Variants in CSMD3 observed in about 807,000 individuals in gnomAD.
The protein encoded by CSMD3 is CUB and Sushi multiple domains 3, also known as CUB and sushi domain-containing protein 3.
Under a neutral mutation model 435.2 loss-of-function variants are expected in CSMD3, and 177 were observed. That is an observed-to-expected ratio of 0.41 (90% confidence interval 0.36 to 0.46). CSMD3 has a LOEUF of 0.46. Ranked by LOEUF, CSMD3 falls within the 20% of genes least tolerant of loss-of-function variation. CSMD3 has a pLI of 0.34. For missense variants in CSMD3, 4,265 were observed against 4,504.6 expected, an observed-to-expected ratio of 0.95 and a Z score of 1.52; for synonymous variants, 1,656 against 1,520.5, an observed-to-expected ratio of 1.09 and a Z score of -2.07.
intron 3 of CSMD3, among the ~76,000 whole-genome samples, chr8:113,179,855 T>TA (rs1401425320): frequency 4.0e-5 from 6 of 151,814 alleles, no homozygotes; most frequent in African/African-American, 1.4e-4. Context: ...ATAAACATGT[T>TA]ACAACAGTCT....
intron 7 of CSMD3, among the ~76,000 whole-genome samples, chr8:112,961,669 A>C (rs933597760): frequency 6.6e-6 from 1 of 151,980 alleles, no homozygotes; most frequent in Non-Finnish European, 1.5e-5. Context: ...TTTCATAGGC[A>C]TTAAGGATTG....
At chr8:113,281,809 G>A (rs1014922263) in intron 2 of CSMD3, among the ~76,000 whole-genome samples, 21 of 151,896 alleles carry the variant, frequency 1.4e-4, no homozygotes, top group Admixed American at 3.3e-4. Flanking sequence ...TGTTTGATGT[G>A]TTTCCAGGAT....
intron 11 of CSMD3, among the ~76,000 whole-genome samples, chr8:112,836,045 A>G (rs901629839): frequency 6.6e-6 from 1 of 151,762 alleles, no homozygotes; most frequent in Non-Finnish European, 1.5e-5. Context: ...TGGATTTGGG[A>G]TAGCCTATGT....
chr8:112,289,318 C>A (rs1330479707), intron 57 of CSMD3, 47 bp downstream of exon 57: 1 of 1,481,470 alleles, frequency 6.8e-7, no homozygotes. Context: ...CTACTACTAA[C>A]AATAATGTAA....
chr8:113,361,532 A>G (rs967266735), intron 1 of CSMD3, among the ~76,000 whole-genome samples: 7 of 152,208 alleles, frequency 4.6e-5, no homozygotes, highest in Non-Finnish European at 1.0e-4. Flanking sequence ...TATAAAACTC[A>G]CTTCATTGAA....
intron 13 of CSMD3, among the ~76,000 whole-genome samples, chr8:112,796,557 G>T (rs2078833049): frequency 6.6e-6 from 1 of 152,002 alleles, no homozygotes; most frequent in Non-Finnish European, 1.5e-5. Context: ...CTAAGACAAA[G>T]TTGAAAATAT....
At chr8:112,406,397 CA>C (rs1831863909) in intron 35 of CSMD3, 126 bp downstream of exon 35, 1 of 533,316 alleles carries the variant, frequency 1.9e-6, no homozygotes, top group Non-Finnish European at 3.2e-6. Context: ...TTATATAAAG[CA>C]TACTTATTAA....
chr8:112,894,543 A>G (rs2081895116), intron 10 of CSMD3, among the ~76,000 whole-genome samples: 1 of 151,454 alleles, frequency 6.6e-6, no homozygotes, highest in Admixed American at 6.6e-5. Context: ...TCATCTCAAT[A>G]GAAAATGAAA....
chr8:113,265,357 A>G (rs906639219), intron 3 of CSMD3, among the ~76,000 whole-genome samples: 1 of 151,668 alleles, frequency 6.6e-6, no homozygotes, highest in Non-Finnish European at 1.5e-5. Flanking sequence ...TATATGTATT[A>G]ACAAAAGTTT....
intron 45 of CSMD3, among the ~76,000 whole-genome samples, chr8:112,325,743 T>C (rs1295969728): frequency 7.2e-5 from 11 of 152,064 alleles, no homozygotes; most frequent in African/African-American, 2.4e-4. Flanking sequence ...AAGGACATAG[T>C]CTAGACTCTT....
intron 60 of CSMD3, among the ~76,000 whole-genome samples, chr8:112,264,431 G>A (rs1164349110): frequency 6.6e-6 from 1 of 152,088 alleles, no homozygotes; most frequent in Non-Finnish European, 1.5e-5. Context: ...AGATAGAGAT[G>A]AAAGGATGAG....
At chr8:112,990,272 G>A (rs1024277994) in intron 6 of CSMD3, among the ~76,000 whole-genome samples, 11 of 151,954 alleles carry the variant, frequency 7.2e-5, no homozygotes, top group South Asian at 2.1e-4. Context: ...ACTGTGTTAC[G>A]CCATATTGGA....
intron 13 of CSMD3, among the ~76,000 whole-genome samples, chr8:112,715,193 A>T (rs1737638757): frequency 6.6e-6 from 1 of 152,176 alleles, no homozygotes; most frequent in African/African-American, 2.4e-5. Context: ...AATGAAGGAG[A>T]AAAGAGATAA....
At chr8:112,509,438 C>A (rs1277372309) in intron 28 of CSMD3, among the ~76,000 whole-genome samples, 2 of 152,128 alleles carry the variant, frequency 1.3e-5, no homozygotes, top group South Asian at 2.1e-4. Context: ...TCTTCTCAAC[C>A]ATTGCCCCAA....
chr8:113,016,455 A>C (rs1171125602), intron 6 of CSMD3, among the ~76,000 whole-genome samples: 1 of 151,872 alleles, frequency 6.6e-6, no homozygotes, highest in Non-Finnish European at 1.5e-5. Flanking sequence ...TATAAAAAAT[A>C]GCTAATGGCA....
intron 1 of CSMD3, among the ~76,000 whole-genome samples, chr8:113,392,870 T>C (rs975514730): frequency 6.6e-6 from 1 of 151,914 alleles, no homozygotes; most frequent in Non-Finnish European, 1.5e-5. Flanking sequence ...AAATTGCTTA[T>C]AGTTTCATGA....
chr8:112,298,081 A>T (rs867419479), intron 53 of CSMD3, among the ~76,000 whole-genome samples: 4,449 of 149,932 alleles, frequency 0.03, 242 homozygotes, highest in African/African-American at 0.1. Context: ...AAAAAAAAAA[A>T]AAAAAAAAAT....
At chr8:112,362,486 A>G (rs148386532) in intron 38 of CSMD3, among the ~76,000 whole-genome samples, 85 of 152,166 alleles carry the variant, frequency 5.6e-4, no homozygotes, top group African/African-American at 1.9e-3. Flanking sequence ...AGTCTATAGA[A>G]TAATACTAAG....
intron 7 of CSMD3, 151 bp downstream of exon 7, chr8:112,975,685 GT>G: frequency 9.0e-7 from 1 of 1,113,354 alleles, no homozygotes; most frequent in South Asian, 1.6e-5. Context: ...TCCAGTTTTG[GT>G]TGTTACTATC....
Sources: gnomAD v4.1 joint callset for allele counts (sites outside exome capture counted in the v4.1 genomes callset) on GRCh38, gnomAD v4.1.1 for gene constraint, MANE v1.5 for transcripts, NCBI Gene and HGNC (gene_info 2026-07-23, HGNC 2026-07-21) for gene names.